AGBL1: variants seen among roughly 807,000 people sequenced by gnomAD.
The protein encoded by AGBL1 is AGBL carboxypeptidase 1.
A neutral mutation model predicts 118.9 loss-of-function variants in AGBL1; 130 were observed. The ratio of observed to expected loss-of-function variants is 1.09; its 90% confidence interval spans 0.95 to 1.26. The LOEUF (loss-of-function observed/expected upper bound fraction) is 1.26, where lower values mean the gene tolerates loss of function less well. Ranked by LOEUF, AGBL1 falls within the 50% of genes most tolerant of loss-of-function variation. The probability of loss-of-function intolerance (pLI) is 0.00; values close to 1 mark genes in which losing one functional copy is unlikely to be tolerated. For synonymous variants in AGBL1, 555 were observed against 478.9 expected (o/e 1.16, Z -2.08); for missense variants, 1,584 against 1,298.1 (o/e 1.22, Z -3.38).
chr15:86,196,875 G>GCA (rs1567119089), intron 5 of AGBL1, among the ~76,000 whole-genome samples: 1 of 86,696 alleles, frequency 1.2e-5, no homozygotes, highest in Non-Finnish European at 2.1e-5. Context: ...ATGTGCGCGC[G>GCA]CGCGCACACA....
At chr15:86,714,387 T>C (rs2142699419) in intron 22 of AGBL1, among the ~76,000 whole-genome samples, 1 of 152,078 alleles carries the variant, frequency 6.6e-6, no homozygotes, top group South Asian at 2.1e-4. Flanking sequence ...CTCAAACAGA[T>C]CATAAGATAA....
intron 21 of AGBL1, among the ~76,000 whole-genome samples, chr15:86,632,711 C>T (rs2084995125): frequency 6.6e-6 from 1 of 151,238 alleles, no homozygotes; most frequent in African/African-American, 2.4e-5. Flanking sequence ...GGTGGTGTTG[C>T]CTATAAGTAA....
chr15:86,661,507 C>T (rs1218612833), intron 21 of AGBL1, among the ~76,000 whole-genome samples: 1 of 151,604 alleles, frequency 6.6e-6, no homozygotes, highest in Non-Finnish European at 1.5e-5. Flanking sequence ...GTCCAGTTAG[C>T]AGAACTAGAC....
intron 22 of AGBL1, among the ~76,000 whole-genome samples, chr15:86,869,632 A>T (rs1053577559): frequency 6.6e-6 from 1 of 152,174 alleles, no homozygotes; most frequent in African/African-American, 2.4e-5. Flanking sequence ...AGTGTTACCA[A>T]ACTTTGCTTG....
At chr15:86,316,734 AC>A (rs2080018379) in intron 17 of AGBL1, 1 of 152,244 alleles carries the variant, frequency 6.6e-6, no homozygotes, top group African/African-American at 2.4e-5. Flanking sequence ...TCTTACCCTA[AC>A]TGTTGTCTTC....
intron 21 of AGBL1, among the ~76,000 whole-genome samples, chr15:86,626,667 AGAAAAGAAAGG>A (rs1198305513): frequency 6.6e-6 from 1 of 152,120 alleles, no homozygotes; most frequent in Non-Finnish European, 1.5e-5. Context: ...TTTTTTTTTA[AGAAAAGAAAGG>A]GTTACATTTG....
chr15:86,686,316 C>T (rs1452454), intron 22 of AGBL1, among the ~76,000 whole-genome samples: 58,279 of 151,810 alleles, frequency 0.38, 12,867 homozygotes, highest in Non-Finnish European at 0.51. Flanking sequence ...TAGTTTTTAA[C>T]CTCTCACATG....
intron 22 of AGBL1, among the ~76,000 whole-genome samples, chr15:86,764,982 A>G (rs967030220): frequency 1.3e-5 from 2 of 151,984 alleles, no homozygotes; most frequent in African/African-American, 4.8e-5. Context: ...TTTCCATTGC[A>G]GGTGGATAGA....
intron 18 of AGBL1, among the ~76,000 whole-genome samples, chr15:86,424,609 G>A (rs2081841037): frequency 1.3e-5 from 2 of 152,148 alleles, no homozygotes; most frequent in African/African-American, 4.8e-5. Context: ...GCAACCTACA[G>A]AATGGGAGAA....
intron 18 of AGBL1, among the ~76,000 whole-genome samples, chr15:86,476,879 G>A (rs1441905947): frequency 6.6e-6 from 1 of 152,176 alleles, no homozygotes; most frequent in Non-Finnish European, 1.5e-5. Context: ...ATAACAAAGT[G>A]TCTCTCAGAC....
rs1567165296 is a variant in AGBL1 at position 86,264,604 on chromosome 15, T to G, written c.1433T>G (p.Met478Arg). The G allele has an allele frequency of 6.2e-7, 1 of 1,613,842 alleles. No homozygotes were observed. Among genetic ancestry groups the G allele is most frequent in the South Asian group, 1.1e-5 (1 of 91,054 alleles). Reference sequence around the variant, plus strand: ...GTAGATGCAATTTTCTGCCCAAGGATGAGTGCCTCCTTTTCTAATTCCACT... The same window carrying G: ...GTAGATGCAATTTTCTGCCCAAGGAGGAGTGCCTCCTTTTCTAATTCCACT... ...WDVDAIFCPRMSASFSNSTRT... is the reference protein window; with the variant it reads ...WDVDAIFCPRRSASFSNSTRT... The change falls in exon 11 of 23, where the codon ATG becomes AGG. Residue 478 changes from methionine (M) to arginine (R), a missense_variant. Met to Arg is a moderately conservative substitution (Grantham distance 91). Coordinates refer to ENST00000614907, the MANE Select transcript of AGBL1 (RefSeq NM_001386094.1).
chr15:86,779,127 CG>C (rs140865627), intron 22 of AGBL1, among the ~76,000 whole-genome samples: 11,631 of 152,174 alleles, frequency 0.076, 1,063 homozygotes, highest in African/African-American at 0.21. Flanking sequence ...ACCCTTCCTA[CG>C]GATCGTTCAC....
intron 6 of AGBL1, among the ~76,000 whole-genome samples, chr15:86,234,380 G>T (rs1247361176): frequency 7.2e-5 from 11 of 151,786 alleles, no homozygotes; most frequent in Admixed American, 7.2e-4. Context: ...GTGAAATCCC[G>T]TCTCTACTAA....
At chr15:86,808,568 C>T (rs1285094339) in intron 22 of AGBL1, among the ~76,000 whole-genome samples, 1 of 151,034 alleles carries the variant, frequency 6.6e-6, no homozygotes, top group Non-Finnish European at 1.5e-5. Flanking sequence ...TTTCCTTCCT[C>T]CCCTTTCCTT....
At chr15:86,507,130 C>T (rs1395954641) in intron 18 of AGBL1, among the ~76,000 whole-genome samples, 1 of 151,990 alleles carries the variant, frequency 6.6e-6, no homozygotes, top group African/African-American at 2.4e-5. Flanking sequence ...TGATAAAGCC[C>T]TCTGATTTTC....
intron 23 of AGBL1, among the ~76,000 whole-genome samples, chr15:86,961,254 G>T (rs2076760102): frequency 6.6e-6 from 1 of 151,906 alleles, no homozygotes; most frequent in East Asian, 1.9e-4. Flanking sequence ...CTCAAAAAAG[G>T]GAGTCATTGC....
intron 5 of AGBL1, among the ~76,000 whole-genome samples, chr15:86,181,711 A>C (rs2077555268): frequency 6.6e-6 from 1 of 152,076 alleles, no homozygotes; most frequent in Non-Finnish European, 1.5e-5. Flanking sequence ...AAACTAAAAA[A>C]GTTCACTTTA....
chr15:86,182,349 T>C (rs1279266927), intron 5 of AGBL1, among the ~76,000 whole-genome samples: 2 of 152,198 alleles, frequency 1.3e-5, no homozygotes, highest in East Asian at 3.9e-4. Flanking sequence ...GGGAAATTCC[T>C]TGTGTTTGTT....
At chr15:86,196,868 T>TGCGCGC (rs149539990) in intron 5 of AGBL1, among the ~76,000 whole-genome samples, 7,286 of 94,846 alleles carry the variant, frequency 0.077, 319 homozygotes, top group Middle Eastern at 0.12. Flanking sequence ...TGTGCACATG[T>TGCGCGC]GCGCGCGCGC....
Sources: gnomAD v4.1 joint callset for allele counts (sites outside exome capture counted in the v4.1 genomes callset) on GRCh38, gnomAD v4.1.1 for gene constraint, MANE v1.5 for transcripts, NCBI Gene and HGNC (gene_info 2026-07-23, HGNC 2026-07-21) for gene names.